The following SARNP variants were observed in gnomAD, a reference collection of about 807,000 sequenced individuals.
The protein encoded by SARNP is SAP domain containing ribonucleoprotein.
SARNP carries 5 observed loss-of-function variants against 38.1 expected under a neutral mutation model. The observed-to-expected ratio is 0.13, with a 90% CI of 0.07 to 0.28. SARNP has a LOEUF of 0.28. Ranked by LOEUF, SARNP falls within the 10% of genes least tolerant of loss-of-function variation. The probability of loss-of-function intolerance (pLI) is 1.00; values close to 1 mark genes in which losing one functional copy is unlikely to be tolerated. For missense variants in SARNP, 180 were observed against 243.9 expected, an observed-to-expected ratio of 0.74 and a Z score of 1.75; for synonymous variants, 84 against 80.6, an observed-to-expected ratio of 1.04 and a Z score of -0.23.
chr12:55,769,041 T>C (rs1207715358), intron 9 of SARNP, among the ~76,000 whole-genome samples: 1 of 152,182 alleles, frequency 6.6e-6, no homozygotes, highest in African/African-American at 2.4e-5. Context: ...TTCTCAGACC[T>C]TGAAAATCTG....
chr12:55,801,253 G>C (rs1418696283), intron 2 of SARNP, among the ~76,000 whole-genome samples: 1 of 152,144 alleles, frequency 6.6e-6, no homozygotes. Flanking sequence ...CCAGCTTGGG[G>C]AACACAGCGA....
In SARNP at chr12:55,817,588, G is replaced by T. The variant is rs550444068; in HGVS notation, c.36+78C>A. The T allele has an allele frequency of 2.6e-5, 36 of 1,380,382 alleles. 1 individual carries two copies. Among genetic ancestry groups the T allele is most frequent in the South Asian group, 1.1e-4 (9 of 81,248 alleles). The allele number at this position is 1,380,382 out of a possible 1,614,324, so 85.5% of individuals were successfully genotyped here. A position where few individuals can be genotyped will look rare whatever the true frequency, so the allele number is the denominator to read the frequency against. ...GTGGAAAAGGCTGCACGGAGAAGAC[G>T]TAGGAGAAGGCGCAAGCTACCCTGT... is the stretch of plus-strand genomic sequence containing the variant. On this transcript the variant is annotated intron_variant, in intron 1 of 10. Coordinates refer to ENST00000336133, the MANE Select transcript of SARNP (RefSeq NM_033082.4).
chr12:55,779,204 G>C (rs1879271650), intron 9 of SARNP, among the ~76,000 whole-genome samples: 1 of 152,266 alleles, frequency 6.6e-6, no homozygotes, highest in Admixed American at 6.5e-5. Context: ...AAAGAACATA[G>C]TTATTCAAAT....
At position 55,757,281 on chromosome 12, in the gene SARNP, A is replaced by AT. The variant is rs199727303; in HGVS notation, c.*230dup. 5,437 of 377,842 alleles carry AT rather than the reference A, an allele frequency of 0.014. 21 individuals carry two copies. Among genetic ancestry groups the AT allele is most frequent in the Non-Finnish European group, 0.018 (3,836 of 209,074 alleles). The allele number at this position is 377,842 out of a possible 1,614,324, so 23.4% of individuals were successfully genotyped here. A position where few individuals can be genotyped will look rare whatever the true frequency, so the allele number is the denominator to read the frequency against. ...AATAAAACACATTGTTCTCTTTTCT[A>AT]TTTTTTTTTATTAACAAGCAACATA... On this transcript the variant is annotated 3_prime_UTR_variant, in exon 11 of 11. Coordinates refer to ENST00000336133, the MANE Select transcript of SARNP (RefSeq NM_033082.4).
Position 55,789,098 on chromosome 12 carries a change from T to C in SARNP, c.478A>G (p.Asn160Asp). 6.2e-7 allele frequency: 1 copy of C among 1,604,498 alleles called. No homozygotes were observed. The highest frequency in any genetic ancestry group is 8.5e-7 in the Non-Finnish European group (1 of 1,176,560). The part of the protein sequence containing the change: ...LKERAQRFGL[N>D]VSSISRKSED... The stretch of plus-strand genomic sequence containing the variant: ...ACCTTTCTGGAGATTGAAGAGACAT[T>C]CAAACCAAATCTTTGAGCTCTTTCC... The change falls in exon 9 of 11, where the codon AAT (asparagine) becomes GAT (aspartate). Residue 160 changes from asparagine (N) to aspartate (D), a missense_variant. By Grantham distance (23) the Asn-to-Asp change is conservative. Transcript: ENST00000336133.
intron 1 of SARNP, among the ~76,000 whole-genome samples, chr12:55,808,082 C>G (rs1294931981): frequency 6.6e-6 from 1 of 152,164 alleles, no homozygotes; most frequent in Non-Finnish European, 1.5e-5. Flanking sequence ...CCACTGTGCC[C>G]AGCCTACACA....
intron 7 of SARNP, 123 bp downstream of exon 7, chr12:55,794,236 T>G: frequency 1.2e-6 from 1 of 867,528 alleles, no homozygotes; most frequent in Non-Finnish European, 1.9e-6. Context: ...AGATGAATGT[T>G]ACAATCTCTT....
chr12:55,779,383 G>T (rs1038074965), intron 9 of SARNP, among the ~76,000 whole-genome samples: 10 of 152,204 alleles, frequency 6.6e-5, no homozygotes, highest in African/African-American at 2.4e-4. Context: ...ATGGCTGTAT[G>T]AGAAAGAGAA....
At chr12:55,811,966 G>C (rs1880340625) in intron 1 of SARNP, among the ~76,000 whole-genome samples, 1 of 152,164 alleles carries the variant, frequency 6.6e-6, no homozygotes, top group African/African-American at 2.4e-5. Context: ...CCTCACTATA[G>C]TTTATTCTCA....
At chr12:55,808,218 C>T (rs1472503211) in intron 1 of SARNP, among the ~76,000 whole-genome samples, 2 of 151,988 alleles carry the variant, frequency 1.3e-5, no homozygotes, top group African/African-American at 4.8e-5. Context: ...CATGGTGGCT[C>T]ATGCCTGTAG....
At chr12:55,798,392 A>C (rs1355428596) in intron 4 of SARNP, among the ~76,000 whole-genome samples, 1 of 152,164 alleles carries the variant, frequency 6.6e-6, no homozygotes, top group Non-Finnish European at 1.5e-5. Context: ...CCAGCTACTC[A>C]GGAGGCTGAA....
chr12:55,757,087 C>A (rs540355211), downstream of SARNP: 1 of 153,180 alleles, frequency 6.5e-6, no homozygotes, highest in East Asian at 1.9e-4. Flanking sequence ...ATAAAAAATG[C>A]TTGTGAGTAT....
chr12:55,801,449 C>A (rs547004291), intron 2 of SARNP, among the ~76,000 whole-genome samples: 13 of 151,822 alleles, frequency 8.6e-5, no homozygotes, highest in African/African-American at 3.1e-4. Context: ...TCTTGAATAA[C>A]AAACAAAAAA....
chr12:55,767,630 G>A (rs886138779), intron 9 of SARNP, among the ~76,000 whole-genome samples: 6 of 151,842 alleles, frequency 4.0e-5, no homozygotes, highest in Non-Finnish European at 7.4e-5. Flanking sequence ...GGTGGATCAC[G>A]AGGTCAGGAG....
chr12:55,785,670 G>A (rs1157209228), intron 9 of SARNP, among the ~76,000 whole-genome samples: 2 of 151,898 alleles, frequency 1.3e-5, no homozygotes, highest in African/African-American at 4.8e-5. Context: ...AGCTACTCAG[G>A]AGGGTGAGGT....
rs560649478 is a variant in SARNP at position 55,773,774 on chromosome 12, G to A, written c.502-13134C>T. On this transcript the variant is annotated intron_variant, in intron 9 of 10. Transcript: ENST00000336133. Reference sequence around the variant, plus strand: ...CGCCCAGGCTGGAGTGCAATGGTGCGATCTCTGCTCACTGCAACCCTCCAC... The same window carrying A: ...CGCCCAGGCTGGAGTGCAATGGTGCAATCTCTGCTCACTGCAACCCTCCAC... Among the ~76,000 whole-genome samples, 43 of 150,758 alleles carry A rather than the reference G, an allele frequency of 2.9e-4. No homozygotes were observed. The South Asian group carries it at 8.2e-3, about 29-fold the overall frequency.
intron 9 of SARNP, among the ~76,000 whole-genome samples, chr12:55,776,081 AATGGTTCAAG>A (rs1263279203): frequency 2.0e-5 from 3 of 152,158 alleles, no homozygotes; most frequent in Non-Finnish European, 4.4e-5. Flanking sequence ...TCCAAGAAGT[AATGGTTCAAG>A]GACCACCCCT....
At chr12:55,771,937 G>C (rs1351824370) in intron 9 of SARNP, among the ~76,000 whole-genome samples, 1 of 152,110 alleles carries the variant, frequency 6.6e-6, no homozygotes, top group Admixed American at 6.6e-5. Context: ...CAGGGTAAGC[G>C]AGCTTCCAAT....
At chr12:55,769,061 GC>G (rs1878930756) in intron 9 of SARNP, among the ~76,000 whole-genome samples, 1 of 152,124 alleles carries the variant, frequency 6.6e-6, no homozygotes, top group African/African-American at 2.4e-5. Context: ...GGGCTGCTAG[GC>G]TTTGCTGATT....
Sources: gnomAD v4.1 joint callset for allele counts (sites outside exome capture counted in the v4.1 genomes callset) on GRCh38, gnomAD v4.1.1 for gene constraint, MANE v1.5 for transcripts, NCBI Gene and HGNC (gene_info 2026-07-23, HGNC 2026-07-21) for gene names.